Variants in PBRM1 observed in about 807,000 individuals in gnomAD.
PBRM1 encodes the protein protein polybromo-1.
In PBRM1, 27 loss-of-function variants were observed where a neutral mutation model predicts 194.5. The ratio of observed to expected loss-of-function variants is 0.14; its 90% CI spans 0.10 to 0.19. The LOEUF is 0.19. PBRM1 is among the 10% of genes least tolerant of loss of function. PBRM1 has a pLI of 1.00. For missense variants in PBRM1, 1,466 were observed against 2,077.2 expected (o/e 0.71, Z 5.72); for synonymous variants, 655 against 693.2 (o/e 0.94, Z 0.87).
At chr3:52,651,868 A>G (rs776086339) in intron 5 of PBRM1, 58 bp from the exon 7 acceptor site, 14 of 1,112,702 alleles carry the variant, frequency 1.3e-5, no homozygotes, top group Middle Eastern at 2.0e-4. Context: ...TAATGAAAAG[A>G]GAAGGAAGTA....
intron 13 of PBRM1, among the ~76,000 whole-genome samples, chr3:52,623,421 T>C (rs757601646): frequency 6.6e-6 from 1 of 152,254 alleles, no homozygotes; most frequent in East Asian, 1.9e-4. Flanking sequence ...TGCTTACTAG[T>C]AAGCTAAGTA....
At chr3:52,580,413 C>T (rs2090829372) in intron 20 of PBRM1, among the ~76,000 whole-genome samples, 1 of 152,062 alleles carries the variant, frequency 6.6e-6, no homozygotes, top group Non-Finnish European at 1.5e-5. Flanking sequence ...GGCTGGAGTG[C>T]AGTGGCGCGA....
chr3:52,627,719 A>T (rs1203951847), intron 12 of PBRM1, among the ~76,000 whole-genome samples: 1 of 152,156 alleles, frequency 6.6e-6, no homozygotes, highest in Non-Finnish European at 1.5e-5. Context: ...GGCCTTTGGT[A>T]CTCCTGACTT....
chr3:52,627,002 G>GA lies in PBRM1; in HGVS notation c.1541+270dup, dbSNP rs59857445. ...GCATTCTTAAAATGCCACATTAAAAGAAAAAAAAAAACCCAGACGGCAAAC... is the reference window on the plus strand; with the variant it reads ...GCATTCTTAAAATGCCACATTAAAAGAAAAAAAAAAAACCCAGACGGCAAAC... On this transcript the variant is annotated intron_variant, in intron 13 of 29. Transcript: ENST00000296302. 0.46 allele frequency among the ~76,000 whole-genome samples: 67,168 copies of GA among 144,810 alleles called. 15,422 individuals are homozygous for GA. Among genetic ancestry groups the GA allele is most frequent in the African/African-American group, 0.53 (20,982 of 39,672 alleles).
At chr3:52,634,543 T>C (rs1007911696) in intron 11 of PBRM1, 59 bp downstream of exon 12, 4 of 1,106,868 alleles carry the variant, frequency 3.6e-6, no homozygotes, top group Non-Finnish European at 1.4e-6. Context: ...AAATACATTA[T>C]GTGCAGGCTC....
intron 22 of PBRM1, among the ~76,000 whole-genome samples, chr3:52,571,384 T>C (rs1362006531): frequency 6.6e-6 from 1 of 150,614 alleles, no homozygotes. Flanking sequence ...TCCCAGCACT[T>C]TGGGAGACTG....
chr3:52,584,966 A>T (rs916899282), intron 20 of PBRM1, among the ~76,000 whole-genome samples: 6 of 152,034 alleles, frequency 3.9e-5, no homozygotes, highest in Non-Finnish European at 7.4e-5. Context: ...TGAAAGTCTT[A>T]AAAAAAATCA....
chr3:52,609,290 T>G lies in PBRM1; in HGVS notation c.2567+23A>C. 6.3e-7 allele frequency: 1 copy of G among 1,577,876 alleles called. No homozygotes were observed. Among genetic ancestry groups the G allele is most frequent in the Non-Finnish European group, 8.7e-7 (1 of 1,153,778 alleles). ...TATTAAATAGCACATATCCTCAAAA[T>G]AAAAATGGCTTTGAAAACATACCGA... is the stretch of plus-strand genomic sequence containing the variant. On this transcript the variant is annotated intron_variant, in intron 16 of 29. Coordinates refer to ENST00000296302, the Ensembl canonical transcript of PBRM1. This position sits in a 1 kb window ranked among gnomAD's most constrained non-coding sequence, Gnocchi z 4.1.
At chr3:52,567,011 G>A (rs1407829936) in intron 22 of PBRM1, among the ~76,000 whole-genome samples, 1 of 151,260 alleles carries the variant, frequency 6.6e-6, no homozygotes, top group African/African-American at 2.4e-5. Context: ...GGAGGTTGCA[G>A]GGAGCCGAGA....
At chr3:52,629,149 T>C in intron 11 of PBRM1, 114 bp from the exon 13 acceptor site, 3 of 740,610 alleles carry the variant, frequency 4.1e-6, no homozygotes, top group Non-Finnish European at 6.5e-6. Context: ...TTACTGGTAA[T>C]ACTGATTAGG....
chr3:52,623,384 G>C (rs2095342811), intron 13 of PBRM1, among the ~76,000 whole-genome samples: 1 of 152,194 alleles, frequency 6.6e-6, no homozygotes, highest in South Asian at 2.1e-4. Context: ...CCAGCATTTA[G>C]CTCCCCCACC....
chr3:52,624,793 T>G (rs1392620024), intron 13 of PBRM1, 104 bp downstream of exon 15: 1 of 774,628 alleles, frequency 1.3e-6, no homozygotes, highest in Non-Finnish European at 2.2e-6. Flanking sequence ...AATAAAGACT[T>G]TTTTTCACAT....
chr3:52,559,427 G>A (rs1279230604), intron 25 of PBRM1, among the ~76,000 whole-genome samples: 2 of 151,972 alleles, frequency 1.3e-5, no homozygotes, highest in Admixed American at 6.6e-5. Context: ...CACCATACAG[G>A]GTTTCTTGTC....
chr3:52,683,356 A>G (rs932317140), upstream of PBRM1, among the ~76,000 whole-genome samples: 1 of 151,842 alleles, frequency 6.6e-6, no homozygotes, highest in African/African-American at 2.4e-5. Flanking sequence ...TCTGGGTGAC[A>G]GAGCGAGACC....
chr3:52,563,039 T>C (rs186455128), intron 24 of PBRM1, among the ~76,000 whole-genome samples: 2 of 152,184 alleles, frequency 1.3e-5, no homozygotes, highest in East Asian at 3.9e-4. Context: ...AGCTATGAAA[T>C]TTTAAAGATA....
chr3:52,679,794 C>T, upstream of PBRM1: 1 of 1,239,932 alleles, frequency 8.1e-7, no homozygotes, highest in East Asian at 2.5e-5. Context: ...CAGCTGGACA[C>T]CTGCTACCAA....
At chr3:52,638,224 A>G (rs1484395299) in intron 10 of PBRM1, among the ~76,000 whole-genome samples, 1 of 152,190 alleles carries the variant, frequency 6.6e-6, no homozygotes, top group Non-Finnish European at 1.5e-5. Flanking sequence ...TCTAGGTTAT[A>G]TTAGATTCAC....
intron 10 of PBRM1, among the ~76,000 whole-genome samples, chr3:52,638,346 A>G (rs1325818655): frequency 6.6e-6 from 1 of 151,504 alleles, no homozygotes; most frequent in Non-Finnish European, 1.5e-5. Flanking sequence ...CTAAGTGGGA[A>G]TATTTCATTT....
At chr3:52,578,151 CAGTG>C (rs1412334406) in intron 21 of PBRM1, among the ~76,000 whole-genome samples, 1 of 152,140 alleles carries the variant, frequency 6.6e-6, no homozygotes, top group Non-Finnish European at 1.5e-5. Flanking sequence ...GCCGACTTCT[CAGTG>C]AGGCCTATAT....
Sources: gnomAD v4.1 joint callset for allele counts (sites outside exome capture counted in the v4.1 genomes callset) on GRCh38, gnomAD v4.1.1 for gene constraint, Gnocchi (gnomAD v3.1) non-coding constraint, MANE v1.5 for transcripts, NCBI Gene and HGNC (gene_info 2026-07-23, HGNC 2026-07-21) for gene names.